The following LRP1B variants were observed in gnomAD, a reference collection of about 807,000 sequenced individuals.
LRP1B encodes LDL receptor related protein 1B.
LRP1B carries 217 observed loss-of-function variants against 556.6 expected under a neutral mutation model. The observed-to-expected ratio is 0.39, with a 90% CI of 0.35 to 0.44. The LOEUF is 0.44. LRP1B is among the 20% of genes least tolerant of loss of function. The probability of loss-of-function intolerance (pLI) is 1.00; values close to 1 mark genes in which losing one functional copy is unlikely to be tolerated. For missense variants in LRP1B, 5,053 were observed against 5,620.8 expected, an observed-to-expected ratio of 0.90 and a Z score of 3.23; for synonymous variants, 2,047 against 1,865.8, an observed-to-expected ratio of 1.10 and a Z score of -2.50.
intron 1 of LRP1B, among the ~76,000 whole-genome samples, chr2:142,081,415 C>T (rs916183444): frequency 4.6e-5 from 7 of 152,048 alleles, no homozygotes; most frequent in African/African-American, 1.7e-4. Flanking sequence ...CACAACATAC[C>T]TTGTGCTCTC....
intron 60 of LRP1B, among the ~76,000 whole-genome samples, chr2:140,464,596 AC>A (rs1371318962): frequency 2.0e-5 from 3 of 152,182 alleles, no homozygotes; most frequent in African/African-American, 7.2e-5. Context: ...ATTCTCTCTA[AC>A]CTGTGAAGTA....
At chr2:140,475,031 A>T in intron 60 of LRP1B, 107 bp downstream of exon 60, 1 of 442,378 alleles carries the variant, frequency 2.3e-6, no homozygotes, top group Non-Finnish European at 3.5e-6. Context: ...ATGTAACCTT[A>T]AATTAAATAT....
chr2:140,306,169 A>C, intron 83 of LRP1B, among the ~76,000 whole-genome samples: 1 of 150,068 alleles, frequency 6.7e-6, no homozygotes, highest in Non-Finnish European at 1.5e-5. Flanking sequence ...TGGCCTCATA[A>C]AATGAGTTAG....
chr2:141,872,711 A>G (rs1698628144), intron 1 of LRP1B, among the ~76,000 whole-genome samples: 1 of 151,926 alleles, frequency 6.6e-6, no homozygotes, highest in Non-Finnish European at 1.5e-5. Context: ...AAGAAAAAAA[A>G]TCTGTGCTAC....
intron 3 of LRP1B, among the ~76,000 whole-genome samples, chr2:141,357,301 G>T (rs1197702185): frequency 6.6e-6 from 1 of 152,032 alleles, no homozygotes; most frequent in East Asian, 1.9e-4. Flanking sequence ...TGATCCACCT[G>T]CCTCCGCTTC....
rs186616702 is a variant in LRP1B at position 141,189,106 on chromosome 2, G to A, written c.851-523C>T. Among the ~76,000 whole-genome samples, 61 of 152,076 alleles carry A rather than the reference G, an allele frequency of 4.0e-4. 1 individual carries two copies. The highest frequency in any genetic ancestry group is 6.8e-4 in the Non-Finnish European group (46 of 67,932). On this transcript the variant is annotated intron_variant, in intron 6 of 90. Coordinates refer to ENST00000389484, the MANE Select transcript of LRP1B (RefSeq NM_018557.3). ...AAAACTTGGAAATAAAGCAAATGGA[G>A]GGGTGATAATTTCTTTCAATGGCAT...
At chr2:141,883,095 A>C (rs1255818487) in intron 1 of LRP1B, among the ~76,000 whole-genome samples, 1 of 152,198 alleles carries the variant, frequency 6.6e-6, no homozygotes, top group Non-Finnish European at 1.5e-5. Flanking sequence ...CCAAATAGAC[A>C]GTGACATATT....
At position 141,490,392 on chromosome 2, in the gene LRP1B, T is replaced by TGTGTGCGC. The variant is rs762902052; in HGVS notation, c.206-9860_206-9859insGCGCACAC. On this transcript the variant is annotated intron_variant, in intron 2 of 90. Transcript: ENST00000389484. ...CCTCGTGTGTGTGTGTGTGTGTGTG[T>TGTGTGCGC]GTGTGTGTTTTCTGCTAACTTTAGA... Among the ~76,000 whole-genome samples the TGTGTGCGC allele has an allele frequency of 4.3e-3, 656 of 151,906 alleles. 10 individuals carry two copies. Among genetic ancestry groups the TGTGTGCGC allele is most frequent in the African/African-American group, 0.015 (618 of 41,396 alleles).
chr2:141,502,849 C>A (rs552207264), intron 2 of LRP1B, among the ~76,000 whole-genome samples: 14 of 107,780 alleles, frequency 1.3e-4, no homozygotes, highest in African/African-American at 3.2e-4. Context: ...CAGAGGGAGA[C>A]CCCGTCTCAA....
intron 2 of LRP1B, among the ~76,000 whole-genome samples, chr2:141,658,117 G>A (rs1690082881): frequency 6.6e-6 from 1 of 152,106 alleles, no homozygotes; most frequent in South Asian, 2.1e-4. Flanking sequence ...GGAAGAAATT[G>A]TAATAGGTAT....
At chr2:140,750,672 T>G (rs908406389) in intron 35 of LRP1B, among the ~76,000 whole-genome samples, 1 of 152,188 alleles carries the variant, frequency 6.6e-6, no homozygotes, top group Admixed American at 6.5e-5. Context: ...CAAGGGCATA[T>G]CATTTATCAG....
Position 140,702,245 on chromosome 2 carries a change from T to G in LRP1B, c.6198A>C (p.Arg2066Ser), listed in dbSNP as rs1477116321. The change falls in exon 39 of 91, where the codon AGA (arginine) becomes AGC (serine). Residue 2066 changes from arginine to serine, a missense_variant. Arg to Ser is a moderately radical substitution (Grantham distance 110). Coordinates refer to ENST00000389484, the MANE Select transcript of LRP1B (RefSeq NM_018557.3). ...WCDARTDKIE[R>S]IDLETGGNRE... Reference sequence around the variant, plus strand: ...GATTCCCTCCAGTCTCAAGGTCGATTCTCTCTATCTTGTCTGTGCGAGCAT... The same window carrying G: ...GATTCCCTCCAGTCTCAAGGTCGATGCTCTCTATCTTGTCTGTGCGAGCAT... 1.2e-6 allele frequency: 2 copies of G among 1,613,738 alleles called. No individual in the cohort carries two copies. The highest frequency in any genetic ancestry group is 1.7e-6 in the Non-Finnish European group (2 of 1,179,756).
At chr2:141,504,054 T>C (rs1683825671) in intron 2 of LRP1B, among the ~76,000 whole-genome samples, 1 of 152,150 alleles carries the variant, frequency 6.6e-6, no homozygotes, top group African/African-American at 2.4e-5. Flanking sequence ...TACTATCTAA[T>C]ACATTAATAA....
chr2:141,453,065 G>A (rs185932316), intron 3 of LRP1B, among the ~76,000 whole-genome samples: 5 of 152,012 alleles, frequency 3.3e-5, no homozygotes, highest in East Asian at 3.9e-4. Flanking sequence ...GTGAATACCC[G>A]TCTCTACTAA....
chr2:140,439,764 T>C (rs1686342889), intron 66 of LRP1B, among the ~76,000 whole-genome samples: 1 of 152,082 alleles, frequency 6.6e-6, no homozygotes. Flanking sequence ...GAGATTAGTA[T>C]ATAATTTTTC....
intron 7 of LRP1B, among the ~76,000 whole-genome samples, chr2:141,145,135 A>G (rs1447198164): frequency 6.6e-6 from 1 of 152,244 alleles, no homozygotes; most frequent in African/African-American, 2.4e-5. Flanking sequence ...TAATGTGGAC[A>G]ATATTAGATT....
intron 68 of LRP1B, among the ~76,000 whole-genome samples, chr2:140,375,507 T>C (rs1683187136): frequency 1.3e-5 from 2 of 152,136 alleles, no homozygotes. Context: ...AAATCATATA[T>C]TTTTAGAAAG....
intron 66 of LRP1B, among the ~76,000 whole-genome samples, chr2:140,441,433 C>T (rs1401117): frequency 0.24 from 36,531 of 151,950 alleles, 4,723 homozygotes; most frequent in Non-Finnish European, 0.28. Context: ...TACAAAGTGG[C>T]AAATGGTAGT....
chr2:140,788,563 A>G (rs532265949), intron 32 of LRP1B, among the ~76,000 whole-genome samples: 5 of 152,312 alleles, frequency 3.3e-5, no homozygotes, highest in African/African-American at 1.2e-4. Flanking sequence ...GGGCAATACA[A>G]TATTAGAACC....
Sources: gnomAD v4.1 joint callset for allele counts (sites outside exome capture counted in the v4.1 genomes callset) on GRCh38, gnomAD v4.1.1 for gene constraint, MANE v1.5 for transcripts, NCBI Gene and HGNC (gene_info 2026-07-23, HGNC 2026-07-21) for gene names.